The following RRP1B variants were observed in gnomAD, a reference collection of about 807,000 sequenced individuals.
RRP1B encodes the protein ribosomal RNA processing protein 1 homolog B.
Under a neutral mutation model 80.2 loss-of-function variants are expected in RRP1B, and 56 were observed. That is an observed-to-expected ratio of 0.70 (90% CI 0.56 to 0.87). RRP1B has a LOEUF of 0.87. Among genes scored for constraint, RRP1B ranks in the 40% least tolerant of loss-of-function variants. The pLI, the probability that RRP1B is intolerant of heterozygous loss-of-function variation, is 0.00. For synonymous variants in RRP1B, 351 were observed against 357.6 expected, an observed-to-expected ratio of 0.98 and a Z score of 0.21; for missense variants, 807 against 939.8, an observed-to-expected ratio of 0.86 and a Z score of 1.85.
At chr21:43,683,712 G>A (rs1276726391) in intron 9 of RRP1B, among the ~76,000 whole-genome samples, 1 of 152,114 alleles carries the variant, frequency 6.6e-6, no homozygotes, top group African/African-American at 2.4e-5. Flanking sequence ...TTAATTACAA[G>A]CTCACGCCTG....
intron 8 of RRP1B, among the ~76,000 whole-genome samples, chr21:43,677,948 T>TTG (rs1198324389): frequency 2.0e-5 from 3 of 152,250 alleles, no homozygotes; most frequent in Non-Finnish European, 4.4e-5. Context: ...CAGCTGTGGA[T>TTG]TGTGCTGCTA....
In RRP1B at chr21:43,687,627, G is replaced by T. The variant is rs763088637; in HGVS notation, c.1253G>T (p.Gly418Val). ...CAGCCTGAAAATCCAGGCCCAGGGG[G>T]TGCAGCCCCATCCCTGGAACAGAAC... The part of the protein sequence containing the change: ...HLQPENPGPG[G>V]AAPSLEQNRG... Residue 418 changes from glycine (G) to valine (V), a missense_variant, in exon 13 of 16, where the codon GGT (glycine) becomes GTT (valine). Gly to Val is a moderately radical substitution (Grantham distance 109). Transcript: ENST00000340648. 2 of 1,548,112 alleles carry T rather than the reference G, an allele frequency of 1.3e-6. No homozygotes were observed. Among genetic ancestry groups the T allele is most frequent in the African/African-American group, 1.4e-5 (1 of 72,658 alleles).
intron 8 of RRP1B, among the ~76,000 whole-genome samples, chr21:43,679,493 G>A (rs551524005): frequency 2.6e-5 from 4 of 152,188 alleles, no homozygotes; most frequent in South Asian, 2.1e-4. Flanking sequence ...GGCTGATCTC[G>A]AACTCCTGAC....
chr21:43,664,749 G>GAGGC (rs1185915336), intron 1 of RRP1B, among the ~76,000 whole-genome samples: 1 of 152,200 alleles, frequency 6.6e-6, no homozygotes, highest in Non-Finnish European at 1.5e-5. Context: ...CATGGCTGGG[G>GAGGC]AGGCCTCACA....
chr21:43,684,664 G>A lies in RRP1B; in HGVS notation c.989+14G>A. The A allele has an allele frequency of 1.2e-6, 2 of 1,600,206 alleles. No homozygotes were observed. The highest frequency in any genetic ancestry group is 1.7e-6 in the Non-Finnish European group (2 of 1,167,286). On this transcript the variant is annotated intron_variant, in intron 10 of 15. Coordinates refer to ENST00000340648, the MANE Select transcript of RRP1B (RefSeq NM_015056.3). ...ACTCATCAAGAAGTCAGTAACTGGG[G>A]AGAGGGTTCTGACATCATCATTCCT...
rs937969701 is a variant in RRP1B, at chr21:43,694,653, C to T, written c.*1270C>T. The T allele has an allele frequency of 6.6e-6, 1 of 152,334 alleles. No homozygotes were observed. Among genetic ancestry groups the T allele is most frequent in the African/African-American group, 2.4e-5 (1 of 41,468 alleles). The allele number at this position is 152,334 out of a possible 1,614,324, so 9.4% of individuals were successfully genotyped here. A position where few individuals can be genotyped will look rare whatever the true frequency, so the allele number is the denominator to read the frequency against. ...CCCAGCCAGCCACGCTCTGCTCAGG[C>T]CTGGAAGTGAAAGCCGCCTCCTTCC... On this transcript the variant is annotated 3_prime_UTR_variant, in exon 16 of 16. Transcript: ENST00000340648.
chr21:43,673,056 A>G (rs528925757), intron 3 of RRP1B, among the ~76,000 whole-genome samples: 11 of 152,344 alleles, frequency 7.2e-5, no homozygotes, highest in Admixed American at 3.3e-4. Flanking sequence ...TGTGGGTCAG[A>G]AGAGAAAAAT....
chr21:43,681,877 G>A (rs1275803019), intron 8 of RRP1B, among the ~76,000 whole-genome samples: 1 of 152,218 alleles, frequency 6.6e-6, no homozygotes, highest in Non-Finnish European at 1.5e-5. Flanking sequence ...GTTGAACCTG[G>A]GAGGGTGAGG....
In RRP1B at chr21:43,673,878, T is replaced by C. The variant is rs111478677; in HGVS notation, c.280T>C (p.Phe94Leu). 1.9e-6 allele frequency: 3 copies of C among 1,613,020 alleles called. No individual in the cohort carries two copies. The highest frequency in any genetic ancestry group is 2.5e-6 in the Non-Finnish European group (3 of 1,179,340). The change falls in exon 4 of 16, where the codon TTC becomes CTC. Residue 94 changes from phenylalanine (F) to leucine (L), a missense_variant. Coordinates refer to ENST00000340648, the MANE Select transcript of RRP1B (RefSeq NM_015056.3). ...CCTTTTGTTCACTGCAGAACACCTG[T>C]TCATTCAGACCTTTTGGCAAACCAT... ...AVNNSAAQHL[F>L]IQTFWQTMNR...
chr21:43,665,170 A>G (rs2082973710), intron 1 of RRP1B, among the ~76,000 whole-genome samples: 1 of 152,196 alleles, frequency 6.6e-6, no homozygotes, highest in Admixed American at 6.5e-5. Context: ...CCACATTATC[A>G]CTTACTGTTG....
intron 12 of RRP1B, 28 bp from the exon 13 acceptor site, chr21:43,687,488 G>A: frequency 6.8e-7 from 1 of 1,468,200 alleles, no homozygotes; most frequent in Non-Finnish European, 9.0e-7. Context: ...GGCACTGGGT[G>A]CTTGTTGATG....
intron 1 of RRP1B, among the ~76,000 whole-genome samples, chr21:43,665,620 C>T (rs1176951354): frequency 2.0e-5 from 3 of 152,138 alleles, no homozygotes; most frequent in Non-Finnish European, 2.9e-5. Flanking sequence ...GATCTTGGCT[C>T]ACTGAAACCT....
chr21:43,686,862 A>G lies in RRP1B; in HGVS notation c.1068A>G (p.Gln356=). 6.2e-7 allele frequency: 1 copy of G among 1,614,110 alleles called. No homozygotes were observed. Among genetic ancestry groups the G allele is most frequent in the Admixed American group, 1.7e-5 (1 of 60,022 alleles). Reference sequence around the variant, plus strand: ...ACATTTCTGCTGATGAAGATGACCAAATCCTCAGTCAAGGAAAGCATAAGA... The same window carrying G: ...ACATTTCTGCTGATGAAGATGACCAGATCCTCAGTCAAGGAAAGCATAAGA... The part of the protein sequence containing the change: ...AEDISADEDD[Q]ILSQGKHKKK... The change falls in exon 12 of 16, where the codon CAA becomes CAG. Residue 356 remains glutamine, a synonymous_variant. Transcript: ENST00000340648.
At position 43,659,877 on chromosome 21, in the gene RRP1B, A is replaced by G; in HGVS notation, c.130+83A>G. On this transcript the variant is annotated intron_variant, in intron 1 of 15. Transcript: ENST00000340648. This position sits in a 1 kb window ranked among gnomAD's most constrained non-coding sequence, Gnocchi z 4.2. The stretch of plus-strand genomic sequence containing the variant: ...GCTAGGGCCAGGGCCCCGGCACGGA[A>G]TGCGGCTTCCACGTGTTGTCGTGAC... The G allele has an allele frequency of 2.2e-6, 3 of 1,333,710 alleles. No individual in the cohort carries two copies. Among genetic ancestry groups the G allele is most frequent in the Non-Finnish European group, 2.9e-6 (3 of 1,028,862 alleles). 82.6% of individuals were successfully genotyped at this position (1,333,710 alleles called of 1,614,324 possible). A position where few individuals can be genotyped will look rare whatever the true frequency, so the allele number is the denominator to read the frequency against.
intron 8 of RRP1B, among the ~76,000 whole-genome samples, chr21:43,678,150 C>T (rs1369376822): frequency 6.6e-6 from 1 of 152,190 alleles, no homozygotes; most frequent in Non-Finnish European, 1.5e-5. Context: ...CTGTTCACCA[C>T]ATCTGTGCCA....
intron 9 of RRP1B, among the ~76,000 whole-genome samples, chr21:43,683,783 C>A (rs1291412426): frequency 2.0e-5 from 3 of 151,854 alleles, no homozygotes; most frequent in African/African-American, 7.3e-5. Flanking sequence ...AGTTCGAGAC[C>A]AGCCTGGCCA....
At chr21:43,671,127 A>G (rs553517508) in intron 2 of RRP1B, among the ~76,000 whole-genome samples, 39 of 152,208 alleles carry the variant, frequency 2.6e-4, no homozygotes, top group Middle Eastern at 3.4e-3. Flanking sequence ...CTCAGAAGAG[A>G]GGGCGTCTCC....
At chr21:43,676,154 A>G (rs2083021635) in intron 6 of RRP1B, 118 bp from the exon 7 acceptor site, 1 of 713,266 alleles carries the variant, frequency 1.4e-6, no homozygotes, top group Non-Finnish European at 2.4e-6. Context: ...GGGCTGTGTG[A>G]GACAGGCATT....
Position 43,674,697 on chromosome 21 carries a change from G to T in RRP1B, c.419G>T (p.Ser140Ile). 6.2e-7 allele frequency: 1 copy of T among 1,601,676 alleles called. No homozygotes were observed. Among genetic ancestry groups the T allele is most frequent in the Non-Finnish European group, 8.5e-7 (1 of 1,175,808 alleles). ...EVLKRNGWEESRIKVFLDVLM... is the reference protein window; with the variant it reads ...EVLKRNGWEEIRIKVFLDVLM... ...TTGAAGCGAAATGGCTGGGAAGAAAGGTCAGTAAACCATTTGAGTTAGCAT... is the reference window on the plus strand; with the variant it reads ...TTGAAGCGAAATGGCTGGGAAGAAATGTCAGTAAACCATTTGAGTTAGCAT... Residue 140 changes from serine to isoleucine, a missense_variant and splice_region_variant, in exon 5 of 16, where the codon AGC (serine) becomes ATC (isoleucine). By Grantham distance (142) the Ser-to-Ile change is moderately radical. Transcript: ENST00000340648.
Sources: gnomAD v4.1 joint callset for allele counts (sites outside exome capture counted in the v4.1 genomes callset) on GRCh38, gnomAD v4.1.1 for gene constraint, Gnocchi (gnomAD v3.1) non-coding constraint, MANE v1.5 for transcripts, NCBI Gene and HGNC (gene_info 2026-07-23, HGNC 2026-07-21) for gene names.